TRAF3IP3: variants seen among roughly 807,000 people sequenced by gnomAD.
TRAF3IP3 encodes the protein TRAF3 interacting protein 3.
TRAF3IP3 carries 64 observed loss-of-function variants against 86.5 expected under a neutral mutation model. The ratio of observed to expected loss-of-function variants is 0.74; its 90% CI spans 0.60 to 0.91. TRAF3IP3 has a LOEUF of 0.91. TRAF3IP3 is among the 40% of genes least tolerant of loss of function. The pLI, the probability that TRAF3IP3 is intolerant of heterozygous loss-of-function variation, is 0.00. For synonymous variants in TRAF3IP3, 220 were observed against 243.9 expected (o/e 0.90, Z 0.91); for missense variants, 579 against 642.9 (o/e 0.90, Z 1.07).
Position 209,760,104 on chromosome 1 carries a change from A to G in TRAF3IP3, c.65A>G (p.Lys22Arg). The G allele has an allele frequency of 6.2e-7, 1 of 1,614,190 alleles. No homozygotes were observed. Among genetic ancestry groups the G allele is most frequent in the Non-Finnish European group, 8.5e-7 (1 of 1,180,028 alleles). The change falls in exon 3 of 17, where the codon AAG becomes AGG. Residue 22 changes from lysine to arginine, a missense_variant. Physicochemically the swap from Lys to Arg is conservative, Grantham distance 26. Coordinates refer to ENST00000367025, the MANE Select transcript of TRAF3IP3 (RefSeq NM_025228.4). ...CGGTGGGCTGAGAGCTATGAGGCCA[A>G]GTGTGAGCGCAGGCAAGAGATCCGT... ...LARWAESYEA[K>R]CERRQEIRES...
intron 8 of TRAF3IP3, among the ~76,000 whole-genome samples, chr1:209,765,198 A>AGG (rs139783423): frequency 0.038 from 4,494 of 117,064 alleles, 883 homozygotes; most frequent in African/African-American, 0.12. Flanking sequence ...AGAGAGAGAG[A>AGG]GAGAGAGAGA....
intron 15 of TRAF3IP3, 131 bp downstream of exon 15, chr1:209,780,737 A>T (rs1422418821): frequency 1.4e-5 from 12 of 848,950 alleles, no homozygotes; most frequent in Middle Eastern, 3.6e-4. Context: ...TTGCCTACAT[A>T]AAGTGTCTGT....
intron 1 of TRAF3IP3, among the ~76,000 whole-genome samples, chr1:209,758,220 CT>C (rs1339946037): frequency 2.0e-5 from 3 of 152,286 alleles, no homozygotes; most frequent in South Asian, 2.1e-4. Context: ...GGACCACCCC[CT>C]ATGCCCACTC....
intron 8 of TRAF3IP3, among the ~76,000 whole-genome samples, chr1:209,766,757 A>G (rs1305791712): frequency 1.3e-5 from 2 of 152,246 alleles, no homozygotes; most frequent in African/African-American, 2.4e-5. Flanking sequence ...CGAGCTACTC[A>G]GGAGGCTGAG....
intron 14 of TRAF3IP3, 36 bp from the exon 15 acceptor site, chr1:209,780,434 G>T (rs1320759161): frequency 1.3e-6 from 2 of 1,515,820 alleles, no homozygotes; most frequent in Non-Finnish European, 1.8e-6. Context: ...AGAGGTGTGG[G>T]CCTCACTGTC....
chr1:209,763,216 G>C, intron 6 of TRAF3IP3, 124 bp downstream of exon 6: 2 of 1,380,118 alleles, frequency 1.4e-6, no homozygotes, highest in Non-Finnish European at 2.1e-6. Flanking sequence ...AGGGGGTACT[G>C]AGCATAGACA....
intron 11 of TRAF3IP3, 52 bp downstream of exon 11, chr1:209,775,788 G>A (rs781081684): frequency 6.5e-7 from 1 of 1,532,114 alleles, no homozygotes; most frequent in African/African-American, 1.4e-5. Context: ...GAGGAGGGAT[G>A]GTGATGAAAG....
intron 6 of TRAF3IP3, 110 bp from the exon 7 acceptor site, chr1:209,763,253 C>A: frequency 2.8e-6 from 4 of 1,436,920 alleles, no homozygotes; most frequent in South Asian, 1.2e-5. Context: ...CCTGTCAGAG[C>A]CAAAGCAGAA....
At chr1:209,772,050 CAT>C (rs1182206251) in intron 8 of TRAF3IP3, among the ~76,000 whole-genome samples, 2 of 138,146 alleles carry the variant, frequency 1.4e-5, no homozygotes, top group Non-Finnish European at 3.1e-5. Flanking sequence ...TGTGTGTGCA[CAT>C]GTGAAGGTGT....
At chr1:209,768,566 C>T in intron 8 of TRAF3IP3, 4 of 985,668 alleles carry the variant, frequency 4.1e-6, no homozygotes, top group Non-Finnish European at 4.8e-6. Flanking sequence ...TGGGCTGGTG[C>T]TTCTGTGGTG....
At chr1:209,763,732 G>A (rs2077289607) in intron 8 of TRAF3IP3, 145 bp downstream of exon 8, 2 of 689,220 alleles carry the variant, frequency 2.9e-6, no homozygotes, top group Non-Finnish European at 2.5e-6. Flanking sequence ...GAGGGGGATG[G>A]TGCTCAGACC....
chr1:209,767,997 C>T (rs1318702510), intron 8 of TRAF3IP3, among the ~76,000 whole-genome samples: 2 of 152,134 alleles, frequency 1.3e-5, no homozygotes, highest in Non-Finnish European at 2.9e-5. Flanking sequence ...CCACCAACCC[C>T]CTAGCTTCCA....
rs148345044 is a variant in TRAF3IP3 at position 209,771,444 on chromosome 1, GGT to G, written c.703-1496_703-1495del. ...GCAGGTGGAGGTGTGTGCATGTGGA[GGT>G]GTGTGTGCATGTGAAGGTGTGCGTG... On this transcript the variant is annotated intron_variant, in intron 8 of 16. Transcript: ENST00000367025. 1.6e-4 allele frequency among the ~76,000 whole-genome samples: 18 copies of G among 114,306 alleles called. No homozygotes were observed. In the East Asian group the frequency reaches 2.1e-3, roughly 14 times the overall value. The allele number at this position is 114,306 out of a possible 152,430, so 75.0% of individuals were successfully genotyped here.
chr1:209,776,591 A>T (rs1322041801), intron 11 of TRAF3IP3: 1 of 151,996 alleles, frequency 6.6e-6, no homozygotes, highest in Non-Finnish European at 1.5e-5. Flanking sequence ...GGCAACTCCT[A>T]TGAAGATTTT....
intron 12 of TRAF3IP3, chr1:209,777,827 A>G (rs1400647083): frequency 1.9e-6 from 1 of 534,424 alleles, no homozygotes; most frequent in Admixed American, 3.6e-5. Flanking sequence ...CACAAGGCAT[A>G]GAGAAAGTCT....
intron 1 of TRAF3IP3, 51 bp from the exon 2 acceptor site, chr1:209,758,983 C>T (rs567168789): frequency 5.2e-5 from 8 of 152,414 alleles, no homozygotes; most frequent in African/African-American, 1.9e-4. Flanking sequence ...AAGCCTGGCT[C>T]CCTGGAAACT....
intron 8 of TRAF3IP3, among the ~76,000 whole-genome samples, chr1:209,771,886 T>C (rs367761607): frequency 4.6e-3 from 629 of 135,778 alleles, no homozygotes; most frequent in South Asian, 0.018. Flanking sequence ...TGGAGGTGTG[T>C]GCGCGCATGT....
At position 209,775,606 on chromosome 1, in the gene TRAF3IP3, T is replaced by C. The variant is rs766583155; in HGVS notation, c.923T>C (p.Leu308Pro). ...CTCTCTGATCTCCCTCAGCGATCCC[T>C]GGCCCTGGCAGAGCAGAAGTGTGAA... Reference protein sequence around the residue: ...EQQLQSTQRSLALAEQKCEEW... With the variant: ...EQQLQSTQRSPALAEQKCEEW... Residue 308 changes from leucine (L) to proline (P), a missense_variant, in exon 11 of 17, where the codon CTG (leucine) becomes CCG (proline). By Grantham distance (98) the Leu-to-Pro change is moderately conservative (BLOSUM62 -3). Transcript: ENST00000367025. 1 of 1,614,132 alleles carries C rather than the reference T, an allele frequency of 6.2e-7. No individual in the cohort carries two copies. The highest frequency in any genetic ancestry group is 8.5e-7 in the Non-Finnish European group (1 of 1,180,002).
chr1:209,760,356 C>T lies in TRAF3IP3; in HGVS notation c.317C>T (p.Ala106Val), dbSNP rs750944715. The T allele has an allele frequency of 6.2e-7, 1 of 1,607,660 alleles. No individual in the cohort carries two copies. The highest frequency in any genetic ancestry group is 1.1e-5 in the South Asian group (1 of 90,214). Residue 106 changes from alanine to valine, a missense_variant, in exon 3 of 17, where the codon GCC becomes GTC. Transcript: ENST00000367025. The stretch of plus-strand genomic sequence containing the variant: ...GTCCTCAAGGAACCCTTGTCTTGTG[C>T]CAGAAGGATTTCTTCTCCCAGAGAG... Reference protein sequence around the residue: ...VTVLKEPLSCARRISSPREQV... With the variant: ...VTVLKEPLSCVRRISSPREQV...
Sources: allele counts gnomAD v4.1 joint callset (sites outside exome capture counted in the v4.1 genomes callset), GRCh38; gene constraint gnomAD v4.1.1; transcripts MANE v1.5; gene names NCBI Gene and HGNC (gene_info 2026-07-23, HGNC 2026-07-21).